MED13L: variants seen among roughly 807,000 people sequenced by gnomAD.
The protein encoded by MED13L is mediator complex subunit 13L, also known as mediator of RNA polymerase II transcription subunit 13-like.
MED13L carries 7 observed loss-of-function variants against 220.9 expected under a neutral mutation model. The ratio of observed to expected loss-of-function variants is 0.03; its 90% confidence interval spans 0.02 to 0.06. The LOEUF is 0.06. MED13L is among the 10% of genes least tolerant of loss of function. The probability of loss-of-function intolerance (pLI) is 1.00; values close to 1 mark genes in which losing one functional copy is unlikely to be tolerated. For missense variants in MED13L, 1,965 were observed against 2,760.5 expected, an observed-to-expected ratio of 0.71 and a Z score of 6.46; for synonymous variants, 1,011 against 1,015.2, an observed-to-expected ratio of 1.00 and a Z score of 0.08.
At chr12:116,052,179 G>A (rs1210029612) in intron 4 of MED13L, among the ~76,000 whole-genome samples, 3 of 152,088 alleles carry the variant, frequency 2.0e-5, no homozygotes, top group African/African-American at 7.2e-5. Flanking sequence ...CTTGGATAAT[G>A]CAAAGGTGTC....
intron 2 of MED13L, among the ~76,000 whole-genome samples, chr12:116,154,798 T>A (rs751175615): frequency 1.3e-5 from 2 of 152,136 alleles, no homozygotes; most frequent in Non-Finnish European, 2.9e-5. Flanking sequence ...ATAAAGATAT[T>A]CTTTTTATTT....
intron 1 of MED13L, among the ~76,000 whole-genome samples, chr12:116,245,487 A>C (rs941755083): frequency 1.3e-5 from 2 of 152,232 alleles, no homozygotes; most frequent in Non-Finnish European, 2.9e-5. Context: ...ACCACTGAGG[A>C]ATTACAGAAA....
At chr12:116,108,282 T>C (rs776814934) in intron 3 of MED13L, among the ~76,000 whole-genome samples, 35 of 151,764 alleles carry the variant, frequency 2.3e-4, no homozygotes, top group Admixed American at 2.2e-3. Context: ...CAACAAATGG[T>C]TGTACAGGTA....
chr12:115,958,703 TTA>T lies in MED13L; in HGVS notation c.*2561_*2562del, dbSNP rs1197346295. ...TATTGTTTCTTTTTATCAAAGTCTT[TTA>T]GTGTACTGTACCAGCGCTATACTGT... On this transcript the variant is annotated 3_prime_UTR_variant, in exon 31 of 31. Transcript: ENST00000281928. The T allele has an allele frequency of 6.6e-6, 1 of 152,462 alleles. No individual in the cohort carries two copies. Among genetic ancestry groups the T allele is most frequent in the Non-Finnish European group, 1.5e-5 (1 of 68,038 alleles). The allele number at this position is 152,462 out of a possible 1,614,324, so 9.4% of individuals were successfully genotyped here. A position where few individuals can be genotyped will look rare whatever the true frequency, so the allele number is the denominator to read the frequency against.
At chr12:116,093,150 T>C (rs1055599553) in intron 4 of MED13L, among the ~76,000 whole-genome samples, 4 of 152,162 alleles carry the variant, frequency 2.6e-5, no homozygotes, top group African/African-American at 7.2e-5. Context: ...CAAATGATTT[T>C]CACCGGTTTG....
rs182751496 is a variant in MED13L, at chr12:116,087,628, C to T, written c.479+9041G>A. 1.2e-3 allele frequency among the ~76,000 whole-genome samples: 178 copies of T among 152,268 alleles called. 4 individuals are homozygous for T. The highest frequency in any genetic ancestry group is 0.011 in the Admixed American group (167 of 15,286). On this transcript the variant is annotated intron_variant, in intron 4 of 30. Transcript: ENST00000281928. ...ATCAAACAGGCAGCCATCCCTCAAT[C>T]GCCTCCATTCCCCTTACAATCCTAT...
At chr12:115,984,929 TG>T (rs1482756032) in intron 19 of MED13L, among the ~76,000 whole-genome samples, 3 of 152,076 alleles carry the variant, frequency 2.0e-5, no homozygotes, top group Non-Finnish European at 4.4e-5. Context: ...TGACGCTAAA[TG>T]GGTGCTTATG....
In MED13L at chr12:116,031,759, A is replaced by AGAAAGAAGGAAG. The variant is rs1592967502; in HGVS notation, c.480-9159_480-9158insCTTCCTTCTTTC. 4.5e-3 allele frequency among the ~76,000 whole-genome samples: 184 copies of AGAAAGAAGGAAG among 40,984 alleles called. 10 individuals are homozygous for AGAAAGAAGGAAG. Among genetic ancestry groups the AGAAAGAAGGAAG allele is most frequent in the East Asian group, 0.013 (16 of 1,280 alleles). 26.9% of individuals were successfully genotyped at this position (40,984 alleles called of 152,430 possible). ...AGAAAAGAAAAGAAAAGAAAAGAAA[A>AGAAAGAAGGAAG]GAAGGAAGGAAGGAAGGAAGGAAGG... On this transcript the variant is annotated intron_variant, in intron 4 of 30. Coordinates refer to ENST00000281928, the MANE Select transcript of MED13L (RefSeq NM_015335.5).
chr12:116,187,333 T>C (rs147445784), intron 2 of MED13L, among the ~76,000 whole-genome samples: 3 of 152,318 alleles, frequency 2.0e-5, no homozygotes, highest in East Asian at 1.9e-4. Context: ...GAAATCATAG[T>C]ATAGTCCCTA....
intron 3 of MED13L, among the ~76,000 whole-genome samples, chr12:116,108,166 A>C (rs1352941295): frequency 6.6e-6 from 1 of 152,092 alleles, no homozygotes; most frequent in Non-Finnish European, 1.5e-5. Flanking sequence ...CAATATCCAC[A>C]TCTTATCTGA....
At chr12:116,088,798 G>GAA (rs1275923379) in intron 4 of MED13L, among the ~76,000 whole-genome samples, 18 of 133,850 alleles carry the variant, frequency 1.3e-4, no homozygotes, top group Non-Finnish European at 1.3e-4. Context: ...GCTTAAAAAA[G>GAA]AAAAAAAAAA....
At chr12:115,994,805 C>T (rs1592927423) in intron 16 of MED13L, among the ~76,000 whole-genome samples, 1 of 152,264 alleles carries the variant, frequency 6.6e-6, no homozygotes, top group East Asian at 1.9e-4. Flanking sequence ...CGGAGCACAG[C>T]AGCAGCACAC....
intron 2 of MED13L, among the ~76,000 whole-genome samples, chr12:116,120,773 T>C (rs924412774): frequency 1.2e-4 from 18 of 152,110 alleles, no homozygotes; most frequent in Non-Finnish European, 5.9e-5. Context: ...CCAGTTTCTA[T>C]TTAAATGCTT....
At chr12:116,108,402 C>T (rs1038166411) in intron 3 of MED13L, among the ~76,000 whole-genome samples, 1 of 15,862 alleles carries the variant, frequency 6.3e-5, no homozygotes, top group Non-Finnish European at 1.3e-4. Flanking sequence ...GGGGGGGGGG[C>T]GCGTGGGGGG....
At chr12:116,241,992 A>G (rs1395924065) in intron 1 of MED13L, among the ~76,000 whole-genome samples, 3 of 151,892 alleles carry the variant, frequency 2.0e-5, no homozygotes, top group Non-Finnish European at 2.9e-5. Context: ...AAATGTCTTC[A>G]TAGACCATGA....
At chr12:116,183,715 T>C (rs1023996411) in intron 2 of MED13L, among the ~76,000 whole-genome samples, 4 of 151,932 alleles carry the variant, frequency 2.6e-5, no homozygotes, top group South Asian at 2.1e-4. Flanking sequence ...TCAATGAAAT[T>C]AGGTAGCACT....
chr12:116,247,085 T>A (rs1871165087), intron 1 of MED13L, among the ~76,000 whole-genome samples: 1 of 152,072 alleles, frequency 6.6e-6, no homozygotes, highest in African/African-American at 2.4e-5. Flanking sequence ...TTTAGAAACA[T>A]TTAAGTAAGA....
intron 4 of MED13L, among the ~76,000 whole-genome samples, chr12:116,032,019 A>G (rs1880883626): frequency 6.6e-6 from 1 of 152,176 alleles, no homozygotes. Flanking sequence ...ATATCCCATT[A>G]GCAATAGCAA....
Position 116,251,308 on chromosome 12 carries a change from CTTTTTTTTT to C in MED13L, c.73-13612_73-13604del, listed in dbSNP as rs61533775. Reference sequence around the variant, plus strand: ...AAGGCAGAGATTCTCATCATGGATCCTTTTTTTTTTTTTTTTTTTTTTTTTTGTATTTTA... The same window carrying C: ...AAGGCAGAGATTCTCATCATGGATCCTTTTTTTTTTTTTTTTTGTATTTTA... On this transcript the variant is annotated intron_variant, in intron 1 of 30. Transcript: ENST00000281928. Among the ~76,000 whole-genome samples the C allele has an allele frequency of 5.7e-4, 50 of 87,886 alleles. 1 individual carries two copies. The highest frequency in any genetic ancestry group is 2.1e-3 in the South Asian group (5 of 2,402). The allele number at this position is 87,886 out of a possible 152,430, so 57.7% of individuals were successfully genotyped here.
Sources: allele counts gnomAD v4.1 joint callset (sites outside exome capture counted in the v4.1 genomes callset), GRCh38; gene constraint gnomAD v4.1.1; transcripts MANE v1.5; gene names NCBI Gene and HGNC (gene_info 2026-07-23, HGNC 2026-07-21).